MAGI1: variants seen among roughly 807,000 people sequenced by gnomAD.
MAGI1 encodes membrane associated guanylate kinase, WW and PDZ domain containing 1.
In MAGI1, 58 loss-of-function variants were observed where a neutral mutation model predicts 139.9. The observed-to-expected ratio is 0.41, with a 90% CI of 0.34 to 0.52. The LOEUF is 0.52. Among genes scored for constraint, MAGI1 ranks in the 20% least tolerant of loss-of-function variants. MAGI1 has a pLI of 0.12. For synonymous variants in MAGI1, 812 were observed against 737.9 expected (o/e 1.10, Z -1.63); for missense variants, 1,874 against 1,901.6 (o/e 0.99, Z 0.27).
intron 1 of MAGI1, among the ~76,000 whole-genome samples, chr3:66,031,172 A>G (rs1333243307): frequency 6.6e-6 from 1 of 152,216 alleles, no homozygotes; most frequent in Admixed American, 6.5e-5. Context: ...CTTTTTTAGG[A>G]TGTGAATGTC....
chr3:65,389,549 G>T (rs767208115), intron 14 of MAGI1, among the ~76,000 whole-genome samples: 1 of 152,154 alleles, frequency 6.6e-6, no homozygotes, highest in Non-Finnish European at 1.5e-5. Flanking sequence ...AGAGAAATGC[G>T]CGGGGAATGT....
chr3:65,795,979 A>T (rs2040110510), intron 1 of MAGI1, among the ~76,000 whole-genome samples: 1 of 146,628 alleles, frequency 6.8e-6, no homozygotes, highest in Non-Finnish European at 1.5e-5. Flanking sequence ...TGACCACAGG[A>T]GGCGGAAGGT....
intron 2 of MAGI1, among the ~76,000 whole-genome samples, chr3:65,527,893 C>A (rs1446367825): frequency 2.0e-5 from 3 of 147,630 alleles, no homozygotes; most frequent in African/African-American, 7.6e-5. Context: ...GGCAATAGAG[C>A]AAGACTCCAT....
intron 1 of MAGI1, among the ~76,000 whole-genome samples, chr3:65,812,468 TCACA>T (rs1553711393): frequency 1.1e-5 from 1 of 89,086 alleles, no homozygotes; most frequent in Non-Finnish European, 2.6e-5. Context: ...TCTCTCTCTC[TCACA>T]CACACACACA....
chr3:65,651,939 C>A (rs1439829312), intron 1 of MAGI1, among the ~76,000 whole-genome samples: 1 of 152,120 alleles, frequency 6.6e-6, no homozygotes, highest in Non-Finnish European at 1.5e-5. Context: ...ATGTAAACAT[C>A]TAAAAACGTA....
chr3:65,808,854 C>G (rs1368677586), intron 1 of MAGI1, among the ~76,000 whole-genome samples: 1 of 152,152 alleles, frequency 6.6e-6, no homozygotes, highest in Non-Finnish European at 1.5e-5. Context: ...GTGCATTCTC[C>G]TCTTACAAGA....
intron 8 of MAGI1, among the ~76,000 whole-genome samples, chr3:65,441,145 GA>G (rs1260533034): frequency 6.6e-6 from 1 of 151,924 alleles, no homozygotes. Flanking sequence ...ATTTTCAGTA[GA>G]AATGGCGTTT....
intron 1 of MAGI1, among the ~76,000 whole-genome samples, chr3:65,821,741 G>A (rs946032818): frequency 1.2e-4 from 19 of 152,234 alleles, no homozygotes; most frequent in African/African-American, 4.6e-4. Flanking sequence ...AATTTACCTG[G>A]GCAAAGGGGA....
chr3:65,669,312 T>C (rs533581547), intron 1 of MAGI1, among the ~76,000 whole-genome samples: 6 of 152,286 alleles, frequency 3.9e-5, no homozygotes, highest in South Asian at 2.1e-4. Flanking sequence ...TGATTTCCCA[T>C]TGAAACTCTT....
At chr3:65,466,336 A>G (rs1054403693) in intron 5 of MAGI1, among the ~76,000 whole-genome samples, 1 of 152,082 alleles carries the variant, frequency 6.6e-6, no homozygotes, top group Non-Finnish European at 1.5e-5. Flanking sequence ...TTGGTATTAC[A>G]TTATAGGGGT....
intron 21 of MAGI1, 104 bp from the exon 22 acceptor site, chr3:65,361,441 G>T: frequency 8.7e-7 from 1 of 1,150,880 alleles, no homozygotes; most frequent in Non-Finnish European, 1.2e-6. Flanking sequence ...GGAGGTGGCA[G>T]TGACAAAAAC....
intron 2 of MAGI1, among the ~76,000 whole-genome samples, chr3:65,497,398 A>T (rs1254690487): frequency 6.6e-6 from 1 of 152,168 alleles, no homozygotes; most frequent in Non-Finnish European, 1.5e-5. Context: ...CAAGTGAAAA[A>T]GCTGTTCAGC....
At chr3:65,632,713 T>C (rs560334142) in intron 1 of MAGI1, among the ~76,000 whole-genome samples, 76 of 152,338 alleles carry the variant, frequency 5.0e-4, no homozygotes, top group African/African-American at 1.8e-3. Flanking sequence ...AAGCAGCCAT[T>C]GACAAGATGT....
intron 1 of MAGI1, among the ~76,000 whole-genome samples, chr3:66,007,891 A>ATTTT (rs35578902): frequency 8.2e-6 from 1 of 122,494 alleles, no homozygotes; most frequent in Non-Finnish European, 1.7e-5. Context: ...GGCTCCATAG[A>ATTTT]TTTTTTTTTT....
intron 1 of MAGI1, among the ~76,000 whole-genome samples, chr3:65,869,243 G>T (rs1413730885): frequency 7.7e-6 from 1 of 129,464 alleles, no homozygotes; most frequent in Admixed American, 8.1e-5. Flanking sequence ...GTGACAGAGC[G>T]AGACTCCGTC....
At position 65,429,659 on chromosome 3, in the gene MAGI1, C is replaced by T. The variant is rs150460861; in HGVS notation, c.2028G>A (p.Arg676=). 4.0e-5 allele frequency: 65 copies of T among 1,613,812 alleles called. 1 individual carries two copies. In the African/African-American group the frequency reaches 8.0e-4, roughly 20 times the overall value. ...GATCCCCTTCTTTCAGGCCTCGGCACCTTGGGCTGTCAACAATCTGTTTCA... is the reference window on the plus strand; with the variant it reads ...GATCCCCTTCTTTCAGGCCTCGGCATCTTGGGCTGTCAACAATCTGTTTCA... The part of the protein sequence containing the change: ...QRVKQIVDSP[R]CRGLKEGDLI... Residue 676 remains arginine (R), a synonymous_variant, in exon 12 of 23, where the codon AGG becomes AGA. Coordinates refer to ENST00000402939, the MANE Select transcript of MAGI1 (RefSeq NM_001033057.2).
intron 1 of MAGI1, among the ~76,000 whole-genome samples, chr3:65,644,413 G>GC (rs1321417474): frequency 8.2e-4 from 87 of 106,166 alleles, no homozygotes; most frequent in African/African-American, 2.4e-3. Flanking sequence ...TAAAACCTCA[G>GC]CCCAAAAAAA....
chr3:65,387,457 A>G (rs368747897), intron 14 of MAGI1, among the ~76,000 whole-genome samples: 7 of 151,514 alleles, frequency 4.6e-5, no homozygotes, highest in African/African-American at 1.7e-4. Flanking sequence ...AGAGTTTCCT[A>G]TAACTCCTAT....
chr3:65,687,574 G>A, intron 1 of MAGI1: 1 of 382,422 alleles, frequency 2.6e-6, no homozygotes, highest in South Asian at 2.1e-5. Context: ...TGTGGCTCCA[G>A]GGACATCTGA....
Sources: allele counts gnomAD v4.1 joint callset (sites outside exome capture counted in the v4.1 genomes callset), GRCh38; gene constraint gnomAD v4.1.1; transcripts MANE v1.5; gene names NCBI Gene and HGNC (gene_info 2026-07-23, HGNC 2026-07-21).